The following KCTD9 variants were observed in gnomAD, a reference collection of about 807,000 sequenced individuals.
KCTD9 encodes the protein BTB/POZ domain-containing protein KCTD9.
In KCTD9, 17 loss-of-function variants were observed where a neutral mutation model predicts 53.3. The observed-to-expected ratio is 0.32, with a 90% CI of 0.22 to 0.48. KCTD9 has a LOEUF of 0.48. KCTD9 is among the 20% of genes least tolerant of loss of function. KCTD9 has a pLI of 0.99. For missense variants in KCTD9, 179 were observed against 465.5 expected (o/e 0.38, Z 5.66); for synonymous variants, 128 against 162.7 (o/e 0.79, Z 1.62).
intron 6 of KCTD9, among the ~76,000 whole-genome samples, chr8:25,438,026 T>A (rs1367896128): frequency 1.3e-5 from 2 of 152,108 alleles, no homozygotes; most frequent in Non-Finnish European, 2.9e-5. Context: ...CTGAAAACAA[T>A]GCTTTATAAA....
intron 11 of KCTD9, among the ~76,000 whole-genome samples, chr8:25,431,140 T>C (rs1201813833): frequency 6.6e-6 from 1 of 152,076 alleles, no homozygotes; most frequent in East Asian, 1.9e-4. Context: ...CCCAAAGTAA[T>C]AAATATTATC....
At chr8:25,431,059 A>G (rs1450608826) in intron 11 of KCTD9, among the ~76,000 whole-genome samples, 2 of 151,884 alleles carry the variant, frequency 1.3e-5, no homozygotes, top group Non-Finnish European at 2.9e-5. Context: ...TCAAACTCCT[A>G]ACCTCAAGTG....
intron 1 of KCTD9, 100 bp downstream of exon 1, chr8:25,458,099 G>T: frequency 8.3e-7 from 1 of 1,210,808 alleles, no homozygotes; most frequent in Non-Finnish European, 1.2e-6. Context: ...CCACCTCCCA[G>T]CCCCTCTACC....
intron 3 of KCTD9, among the ~76,000 whole-genome samples, chr8:25,441,147 C>T (rs987901738): frequency 1.1e-4 from 17 of 150,016 alleles, no homozygotes; most frequent in Admixed American, 7.3e-4. Flanking sequence ...GAAAATAATC[C>T]AAGTTGAATG....
intron 2 of KCTD9, 55 bp downstream of exon 2, chr8:25,446,074 T>C (rs773014729): frequency 3.3e-5 from 52 of 1,595,910 alleles, no homozygotes; most frequent in Non-Finnish European, 4.2e-5. Context: ...GGAAACAGCA[T>C]AGCACCAAGA....
intron 8 of KCTD9, 81 bp from the exon 9 acceptor site, chr8:25,435,593 G>GT (rs928410782): frequency 8.8e-5 from 114 of 1,288,742 alleles, no homozygotes; most frequent in Middle Eastern, 1.9e-4. Flanking sequence ...TAACCACCAA[G>GT]TTTTTTTTAG....
intron 1 of KCTD9, among the ~76,000 whole-genome samples, chr8:25,452,376 T>A (rs1291421412): frequency 6.6e-6 from 1 of 152,222 alleles, no homozygotes; most frequent in Non-Finnish European, 1.5e-5. Context: ...AAAAACAATC[T>A]GGCATTATTT....
Position 25,432,739 on chromosome 8 carries a change from G to T in KCTD9, c.920-102C>A, listed in dbSNP as rs1375870373. The T allele has an allele frequency of 4.0e-6, 4 of 1,012,270 alleles. No individual in the cohort carries two copies. The African/African-American group carries it at 4.9e-5, about 12-fold the overall frequency. The allele number at this position is 1,012,270 out of a possible 1,614,324, so 62.7% of individuals were successfully genotyped here. A position where few individuals can be genotyped will look rare whatever the true frequency, so the allele number is the denominator to read the frequency against. ...TAATGGAGGCCTCTTTTAACTTTTGGAAATTAATCTAAAATCTTGTCTCTC... is the reference window on the plus strand; with the variant it reads ...TAATGGAGGCCTCTTTTAACTTTTGTAAATTAATCTAAAATCTTGTCTCTC... On this transcript the variant is annotated intron_variant, in intron 10 of 11. Transcript: ENST00000221200.
chr8:25,453,647 C>T (rs1235313773), intron 1 of KCTD9, among the ~76,000 whole-genome samples: 2 of 147,874 alleles, frequency 1.4e-5, no homozygotes, highest in East Asian at 2.0e-4. Flanking sequence ...GAGTGAGACT[C>T]CGACTCAAAA....
At chr8:25,449,730 A>G (rs1303661852) in intron 1 of KCTD9, among the ~76,000 whole-genome samples, 1 of 152,138 alleles carries the variant, frequency 6.6e-6, no homozygotes, top group Admixed American at 6.5e-5. Context: ...CAAGTGCTCA[A>G]CTGCCACACT....
Position 25,440,674 on chromosome 8 carries a change from C to G in KCTD9, c.215-1G>C. 6.4e-7 allele frequency: 1 copy of G among 1,571,640 alleles called. No homozygotes were observed. Among genetic ancestry groups the G allele is most frequent in the East Asian group, 2.2e-5 (1 of 44,676 alleles). On this transcript the variant is annotated splice_acceptor_variant, in intron 3 of 11. Coordinates refer to ENST00000221200, the MANE Select transcript of KCTD9 (RefSeq NM_017634.4). LOFTEE classifies it high-confidence loss of function. Reference sequence around the variant, plus strand: ...GGAGGCTTAGAATCTGTCTGAGGATCTAGAGATGACATGTAGAAAATAATA... The same window carrying G: ...GGAGGCTTAGAATCTGTCTGAGGATGTAGAGATGACATGTAGAAAATAATA...
At chr8:25,434,562 C>T (rs1334595702) in intron 9 of KCTD9, among the ~76,000 whole-genome samples, 1 of 152,064 alleles carries the variant, frequency 6.6e-6, no homozygotes, top group Non-Finnish European at 1.5e-5. Context: ...TAACCTGACC[C>T]TTCATGATAA....
intron 1 of KCTD9, chr8:25,457,487 G>C (rs940188824): frequency 2.3e-6 from 1 of 434,362 alleles, no homozygotes; most frequent in Admixed American, 6.4e-5. Flanking sequence ...CACACTCTCC[G>C]CAAAGGCCTA....
chr8:25,447,513 G>C (rs767016985), intron 1 of KCTD9, among the ~76,000 whole-genome samples: 2 of 152,182 alleles, frequency 1.3e-5, no homozygotes, highest in Non-Finnish European at 2.9e-5. Context: ...CTGGTCCTCT[G>C]TCCACCAGTG....
intron 1 of KCTD9, among the ~76,000 whole-genome samples, chr8:25,446,994 T>C (rs1021182253): frequency 6.6e-6 from 1 of 152,220 alleles, no homozygotes; most frequent in Non-Finnish European, 1.5e-5. Context: ...AATTTCTACA[T>C]GTAAGTGAAT....
At chr8:25,450,861 G>GTTC (rs1459842217) in intron 1 of KCTD9, among the ~76,000 whole-genome samples, 2 of 152,126 alleles carry the variant, frequency 1.3e-5, no homozygotes, top group Non-Finnish European at 2.9e-5. Context: ...TGTAATAAGG[G>GTTC]GGGAAGTTTT....
intron 3 of KCTD9, among the ~76,000 whole-genome samples, chr8:25,441,627 G>T (rs186949056): frequency 5.3e-5 from 8 of 152,178 alleles, no homozygotes; most frequent in Admixed American, 4.6e-4. Context: ...TAAAGCAAAA[G>T]AAATACAAGA....
chr8:25,436,795 T>TA (rs3215161), intron 6 of KCTD9, among the ~76,000 whole-genome samples: 34 of 151,700 alleles, frequency 2.2e-4, no homozygotes, highest in Non-Finnish European at 3.8e-4. Context: ...TTTAACTTGG[T>TA]AAAAAAAAAT....
chr8:25,447,655 G>A (rs545990921), intron 1 of KCTD9, among the ~76,000 whole-genome samples: 1 of 152,230 alleles, frequency 6.6e-6, no homozygotes, highest in Non-Finnish European at 1.5e-5. Flanking sequence ...TTTTCTCTTG[G>A]ATCAGAAGGA....
Sources: allele counts gnomAD v4.1 joint callset (sites outside exome capture counted in the v4.1 genomes callset), GRCh38; gene constraint gnomAD v4.1.1; transcripts MANE v1.5; gene names NCBI Gene and HGNC (gene_info 2026-07-23, HGNC 2026-07-21).